The following SLC43A3 variants were observed in gnomAD, a reference collection of about 807,000 sequenced individuals.
SLC43A3 encodes the protein equilibrative nucleobase transporter 1.
In SLC43A3, 33 loss-of-function variants were observed where a neutral mutation model predicts 53.3. That is an observed-to-expected ratio of 0.62 (90% CI 0.47 to 0.83). The LOEUF is 0.83. Ranked by LOEUF, SLC43A3 falls within the 40% of genes least tolerant of loss-of-function variation. SLC43A3 has a pLI of 0.00. For synonymous variants in SLC43A3, 236 were observed against 246.2 expected (o/e 0.96, Z 0.39); for missense variants, 530 against 610.0 (o/e 0.87, Z 1.38).
Position 57,415,119 on chromosome 11 carries a change from G to A in SLC43A3, c.770-13C>T. 4 of 1,599,016 alleles carry A rather than the reference G, an allele frequency of 2.5e-6. No homozygotes were observed. The highest frequency in any genetic ancestry group is 3.4e-6 in the Non-Finnish European group (4 of 1,172,110). ...GCCCCTGGGGTCTCTAATGGGGAGA[G>A]GAGGATCTGGGCGTGAATTACGAGG... On this transcript the variant is annotated splice_polypyrimidine_tract_variant and intron_variant, in intron 9 of 13. Transcript: ENST00000395124.
At chr11:57,418,630 CTGTAAT>C (rs1942832618) in intron 7 of SLC43A3, among the ~76,000 whole-genome samples, 1 of 152,108 alleles carries the variant, frequency 6.6e-6, no homozygotes, top group African/African-American at 2.4e-5. Context: ...GATTACATGC[CTGTAAT>C]CCCAGTACTT....
chr11:57,411,859 AT>A lies in SLC43A3; in HGVS notation c.1061-1739del, dbSNP rs1308343521. On this transcript the variant is annotated intron_variant, in intron 11 of 13. Coordinates refer to ENST00000395124, the MANE Select transcript of SLC43A3 (RefSeq NM_199329.3). ...TATATTTAAAATACTATATATGTGT[AT>A]GTACATTTACATATGCATATGTTAG... Among the ~76,000 whole-genome samples, 4 of 152,206 alleles carry A rather than the reference AT, an allele frequency of 2.6e-5. 1 individual carries two copies. Among genetic ancestry groups the A allele is most frequent in the African/African-American group, 9.7e-5 (4 of 41,448 alleles).
intron 11 of SLC43A3, 102 bp downstream of exon 11, chr11:57,414,506 CAAAAAAA>C (rs397849571): frequency 9.9e-4 from 284 of 287,966 alleles, no homozygotes; most frequent in East Asian, 1.7e-3. Context: ...GACTCTATCA[CAAAAAAA>C]AAAAAAAAAA....
At chr11:57,415,624 A>G (rs1942683923) in intron 9 of SLC43A3, among the ~76,000 whole-genome samples, 1 of 152,140 alleles carries the variant, frequency 6.6e-6, no homozygotes, top group Admixed American at 6.5e-5. Context: ...AACCAATGAG[A>G]TGGTTCCTCC....
Position 57,421,007 on chromosome 11 carries a change from A to G in SLC43A3, c.496T>C (p.Phe166Leu). Reference protein sequence around the residue: ...STIITLYNGAFDSSSAVFLII... With the variant: ...STIITLYNGALDSSSAVFLII... Reference sequence around the variant, plus strand: ...AGGAAGACTGCCGAGGAAGAGTCAAATGCTCCATTGTACAGAGTGATGATG... The same window carrying G: ...AGGAAGACTGCCGAGGAAGAGTCAAGTGCTCCATTGTACAGAGTGATGATG... The change falls in exon 7 of 14, where the codon TTT becomes CTT. Residue 166 changes from phenylalanine (F) to leucine (L), a missense_variant. This residue lies in a region of SLC43A3 where 376 missense variants were observed against 386.7 expected (regional missense o/e 0.97). Transcript: ENST00000395124. The G allele has an allele frequency of 6.2e-7, 1 of 1,613,946 alleles. No individual in the cohort carries two copies. Among genetic ancestry groups the G allele is most frequent in the Non-Finnish European group, 8.5e-7 (1 of 1,179,794 alleles).
chr11:57,408,178 A>G, intron 13 of SLC43A3: 1 of 320,486 alleles, frequency 3.1e-6, no homozygotes, highest in East Asian at 6.3e-5. Context: ...TCAAGGTCAC[A>G]TGGGAAGCTG....
At chr11:57,417,328 C>T (rs1385782185) in intron 8 of SLC43A3, among the ~76,000 whole-genome samples, 1 of 152,214 alleles carries the variant, frequency 6.6e-6, no homozygotes. Flanking sequence ...TTGTGCATTT[C>T]TGCACTCTTT....
At chr11:57,424,156 G>T in intron 4 of SLC43A3, 128 bp from the exon 5 acceptor site, 1 of 864,784 alleles carries the variant, frequency 1.2e-6, no homozygotes. Context: ...GATGCAACGG[G>T]CACTGATGCC....
intron 7 of SLC43A3, among the ~76,000 whole-genome samples, chr11:57,418,996 T>G (rs957943035): frequency 4.2e-4 from 64 of 151,364 alleles, no homozygotes; most frequent in African/African-American, 1.1e-3. Flanking sequence ...TTCTAAGGAG[T>G]CCTAGTACAA....
intron 8 of SLC43A3, 37 bp from the exon 9 acceptor site, chr11:57,416,707 CTG>C: frequency 2.6e-6 from 4 of 1,528,306 alleles, no homozygotes; most frequent in Non-Finnish European, 3.6e-6. Flanking sequence ...AGGCCAAGGA[CTG>C]TGAGCCGAAC....
At chr11:57,418,705 C>T (rs1212400328) in intron 7 of SLC43A3, among the ~76,000 whole-genome samples, 1 of 152,014 alleles carries the variant, frequency 6.6e-6, no homozygotes, top group African/African-American at 2.4e-5. Flanking sequence ...GCCTGGCCAA[C>T]ATGGTGAAAC....
intron 11 of SLC43A3, 121 bp from the exon 12 acceptor site, chr11:57,410,242 C>T: frequency 1.3e-6 from 1 of 753,044 alleles, no homozygotes; most frequent in South Asian, 2.3e-5. Context: ...CCAACAGAAA[C>T]CTGGGAGTCA....
At chr11:57,423,927 C>CA (rs1943094963) in intron 5 of SLC43A3, 55 bp downstream of exon 5, 1 of 1,549,976 alleles carries the variant, frequency 6.5e-7, no homozygotes, top group Admixed American at 1.7e-5. Flanking sequence ...ACACCTGCCC[C>CA]AGCCACCAGG....
intron 9 of SLC43A3, 177 bp from the exon 10 acceptor site, chr11:57,415,283 C>A: frequency 6.5e-7 from 1 of 1,530,958 alleles, no homozygotes; most frequent in Non-Finnish European, 8.7e-7. Context: ...CACCTCCCTG[C>A]TTTGTCATGC....
At chr11:57,421,257 G>C (rs142052155) in intron 6 of SLC43A3, 40 bp downstream of exon 6, 2 of 1,544,008 alleles carry the variant, frequency 1.3e-6, no homozygotes, top group Non-Finnish European at 1.8e-6. Flanking sequence ...CCACCTTCCC[G>C]CCACCCTGCC....
At position 57,421,389 on chromosome 11, in the gene SLC43A3, CAGAGGT is replaced by C. The variant is rs1288250181; in HGVS notation, c.362-22_362-17del. 18 of 1,609,690 alleles carry C rather than the reference CAGAGGT, an allele frequency of 1.1e-5. No homozygotes were observed. Among genetic ancestry groups the C allele is most frequent in the Middle Eastern group, 1.6e-4 (1 of 6,076 alleles). On this transcript the variant is annotated splice_polypyrimidine_tract_variant and intron_variant, in intron 5 of 13. Transcript: ENST00000395124. ...ACGGCTGAGCCTGGACCATCAAAGT[CAGAGGT>C]AGGGTGGTGTCATAGTGCAACCCAA...
At position 57,414,949 on chromosome 11, in the gene SLC43A3, A is replaced by C; in HGVS notation, c.927T>G (p.Gly309=). The change falls in exon 10 of 14, where the codon GGT becomes GGG. Residue 309 remains glycine (G), a synonymous_variant. Coordinates refer to ENST00000395124, the MANE Select transcript of SLC43A3 (RefSeq NM_199329.3). Reference sequence around the variant, plus strand: ...ACCACATACCTCGTGCCATGTCCCCACCGGCCATGTTGGTCAGCAAGGAGT... The same window carrying C: ...ACCACATACCTCGTGCCATGTCCCCCCCGGCCATGTTGGTCAGCAAGGAGT... ...TLNSLLTNMA[G]GDMARVSTYT... The C allele has an allele frequency of 2.5e-6, 4 of 1,613,084 alleles. No homozygotes were observed. Among genetic ancestry groups the C allele is most frequent in the Non-Finnish European group, 3.4e-6 (4 of 1,180,006 alleles).
Position 57,421,282 on chromosome 11 carries a change from A to C in SLC43A3, c.438+15T>G. 6.2e-7 allele frequency: 1 copy of C among 1,604,938 alleles called. No individual in the cohort carries two copies. Among genetic ancestry groups the C allele is most frequent in the Non-Finnish European group, 8.5e-7 (1 of 1,172,010 alleles). The stretch of plus-strand genomic sequence containing the variant: ...GCCACCCTGCCGAGTGCCTGGGATT[A>C]GGGAAGGCTCCCACCTGCAGGTTGG... On this transcript the variant is annotated intron_variant, in intron 6 of 13. Transcript: ENST00000395124.
Position 57,414,971 on chromosome 11 carries a change from G to A in SLC43A3, c.905C>T (p.Ser302Phe), listed in dbSNP as rs1385849636. Residue 302 changes from serine to phenylalanine, a missense_variant, in exon 10 of 14, where the codon TCC becomes TTC. By Grantham distance (155) the Ser-to-Phe change is radical. Coordinates refer to ENST00000395124, the MANE Select transcript of SLC43A3 (RefSeq NM_199329.3). ...CCCACCGGCCATGTTGGTCAGCAAG[G>A]AGTTGAGAGTGCCAATGAAGAGGTA... Reference protein sequence around the residue: ...WHYLFIGTLNSLLTNMAGGDM... With the variant: ...WHYLFIGTLNFLLTNMAGGDM... 3 of 1,613,692 alleles carry A rather than the reference G, an allele frequency of 1.9e-6. No homozygotes were observed. The highest frequency in any genetic ancestry group is 2.5e-6 in the Non-Finnish European group (3 of 1,180,040).
Sources: allele counts gnomAD v4.1 joint callset (sites outside exome capture counted in the v4.1 genomes callset), GRCh38; gene constraint gnomAD v4.1.1; regional missense constraint gnomAD v4.1.1; transcripts MANE v1.5; gene names NCBI Gene and HGNC (gene_info 2026-07-23, HGNC 2026-07-21).